The following CNBD1 variants were observed in gnomAD, a reference collection of about 807,000 sequenced individuals.
CNBD1 encodes cyclic nucleotide binding domain containing 1.
In CNBD1, 71 loss-of-function variants were observed where a neutral mutation model predicts 54.4. The observed-to-expected ratio is 1.30, with a 90% CI of 1.08 to 1.59. CNBD1 has a LOEUF of 1.59. Ranked by LOEUF, CNBD1 falls within the 40% of genes most tolerant of loss-of-function variation. The probability of loss-of-function intolerance (pLI) is 0.00; values close to 1 mark genes in which losing one functional copy is unlikely to be tolerated. For synonymous variants in CNBD1, 182 were observed against 170.7 expected, an observed-to-expected ratio of 1.07 and a Z score of -0.51; for missense variants, 659 against 518.0, an observed-to-expected ratio of 1.27 and a Z score of -2.64.
In CNBD1 at chr8:87,327,503, G is replaced by A. The variant is rs887658079; in HGVS notation, c.1043-24182G>A. Among the ~76,000 whole-genome samples the A allele has an allele frequency of 3.3e-5, 5 of 152,326 alleles. No homozygotes were observed. The East Asian group carries it at 5.8e-4, about 18-fold the overall frequency. Reference sequence around the variant, plus strand: ...CGAACCAGGTGTGGGATATAGTTTCGTGGTGCGCCGTTTTTTAAGCCGGTC... The same window carrying A: ...CGAACCAGGTGTGGGATATAGTTTCATGGTGCGCCGTTTTTTAAGCCGGTC... On this transcript the variant is annotated intron_variant, in intron 8 of 10. Transcript: ENST00000518476.
downstream of CNBD1, among the ~76,000 whole-genome samples, chr8:87,384,971 G>T (rs1012563232): frequency 6.6e-6 from 1 of 152,148 alleles, no homozygotes; most frequent in Admixed American, 6.5e-5. Context: ...AAGGACTTTA[G>T]ATTTAATTCT....
At chr8:87,208,380 A>G (rs1814022636) in intron 5 of CNBD1, among the ~76,000 whole-genome samples, 1 of 151,836 alleles carries the variant, frequency 6.6e-6, no homozygotes, top group Non-Finnish European at 1.5e-5. Context: ...AAAAATGATT[A>G]CTATATTATT....
chr8:86,897,997 T>A (rs1005117187), intron 2 of CNBD1, among the ~76,000 whole-genome samples: 89 of 152,302 alleles, frequency 5.8e-4, no homozygotes, highest in African/African-American at 2.1e-3. Flanking sequence ...TTAAATAAAG[T>A]ATGGCATATT....
At chr8:87,302,711 T>C (rs1385727462) in intron 8 of CNBD1, among the ~76,000 whole-genome samples, 1 of 151,958 alleles carries the variant, frequency 6.6e-6, no homozygotes, top group Non-Finnish European at 1.5e-5. Context: ...TGTTTGCTGA[T>C]GACATGATTG....
chr8:86,998,457 G>T (rs1434286698), intron 4 of CNBD1, among the ~76,000 whole-genome samples: 1 of 152,070 alleles, frequency 6.6e-6, no homozygotes, highest in Non-Finnish European at 1.5e-5. Context: ...ATCTTGAAAA[G>T]GACACTTGTT....
rs530526276 is a variant in CNBD1 at position 87,158,887 on chromosome 8, G to A, written c.432-47106G>A. Among the ~76,000 whole-genome samples, 10 of 152,180 alleles carry A rather than the reference G, an allele frequency of 6.6e-5. No individual in the cohort carries two copies. The East Asian group carries it at 1.9e-3, about 29-fold the overall frequency. ...CACACTTTTTATTGTTAATGCAAGC[G>A]ACATCATGCAGAAAATAACATATCT... On this transcript the variant is annotated intron_variant, in intron 4 of 10. Coordinates refer to ENST00000518476, the MANE Select transcript of CNBD1 (RefSeq NM_173538.3).
At chr8:87,154,970 CAT>C (rs2130752699) in intron 4 of CNBD1, among the ~76,000 whole-genome samples, 1 of 152,218 alleles carries the variant, frequency 6.6e-6, no homozygotes, top group African/African-American at 2.4e-5. Flanking sequence ...ATGAGAGTAT[CAT>C]AGCTGTACCA....
intron 4 of CNBD1, among the ~76,000 whole-genome samples, chr8:87,155,207 A>C (rs1319258256): frequency 6.6e-6 from 1 of 152,160 alleles, no homozygotes; most frequent in African/African-American, 2.4e-5. Flanking sequence ...TTTATTTCTC[A>C]ATCTCTTCAA....
intron 2 of CNBD1, among the ~76,000 whole-genome samples, chr8:87,415,525 A>G (rs994571617): frequency 2.0e-5 from 3 of 152,062 alleles, no homozygotes; most frequent in Non-Finnish European, 4.4e-5. Flanking sequence ...GAGCCTCATC[A>G]TGACACTACA....
intron 3 of CNBD1, among the ~76,000 whole-genome samples, chr8:86,926,022 C>T (rs573329124): frequency 1.1e-4 from 16 of 152,126 alleles, no homozygotes; most frequent in Non-Finnish European, 2.2e-4. Flanking sequence ...TTGTCCCCTC[C>T]CATGTTCCAT....
intron 6 of CNBD1, among the ~76,000 whole-genome samples, chr8:87,252,591 G>A (rs1807934738): frequency 6.6e-6 from 1 of 152,070 alleles, no homozygotes; most frequent in Admixed American, 6.6e-5. Flanking sequence ...TGAGAACTGG[G>A]AAAGCAAAAA....
At chr8:87,176,657 T>TC (rs1488701740) in intron 4 of CNBD1, among the ~76,000 whole-genome samples, 1 of 150,936 alleles carries the variant, frequency 6.6e-6, no homozygotes, top group African/African-American at 2.4e-5. Flanking sequence ...GCTAAATTTT[T>TC]TTTTTTTTTT....
chr8:86,977,823 C>T (rs1002570628), intron 4 of CNBD1, among the ~76,000 whole-genome samples: 1 of 151,928 alleles, frequency 6.6e-6, no homozygotes. Flanking sequence ...AGAACTAATA[C>T]CAATCATTCT....
intron 4 of CNBD1, among the ~76,000 whole-genome samples, chr8:87,047,728 T>C (rs1810225111): frequency 6.6e-6 from 1 of 152,236 alleles, no homozygotes; most frequent in South Asian, 2.1e-4. Context: ...TCTGAGTTTC[T>C]ATTTGTCAAA....
intron 2 of CNBD1, among the ~76,000 whole-genome samples, chr8:87,395,394 G>A (rs1422934801): frequency 1.3e-5 from 2 of 151,782 alleles, no homozygotes; most frequent in African/African-American, 2.4e-5. Context: ...AATATTTGAG[G>A]AATATAGCAT....
At chr8:86,870,189 C>CTTTTTTTTTT (rs71275890) in intron 1 of CNBD1, among the ~76,000 whole-genome samples, 11 of 100,620 alleles carry the variant, frequency 1.1e-4, no homozygotes, top group African/African-American at 1.6e-4. Context: ...AGATAGTACT[C>CTTTTTTTTTT]TTTTTTTTTT....
At chr8:87,367,551 T>C (rs1162092504) in intron 10 of CNBD1, among the ~76,000 whole-genome samples, 1 of 152,086 alleles carries the variant, frequency 6.6e-6, no homozygotes, top group Non-Finnish European at 1.5e-5. Context: ...AATTGGTACG[T>C]TGTTATGAGA....
intron 9 of CNBD1, among the ~76,000 whole-genome samples, chr8:87,352,960 G>T (rs180709466): frequency 6.6e-6 from 1 of 152,160 alleles, no homozygotes; most frequent in East Asian, 1.9e-4. Context: ...CTACCTGAGG[G>T]CTATATTCTC....
At chr8:87,038,772 T>C (rs1586214966) in intron 4 of CNBD1, among the ~76,000 whole-genome samples, 1 of 152,220 alleles carries the variant, frequency 6.6e-6, no homozygotes, top group African/African-American at 2.4e-5. Flanking sequence ...AGCCCTCTAG[T>C]AATTAAGAAG....
Sources: allele counts gnomAD v4.1 joint callset (sites outside exome capture counted in the v4.1 genomes callset), GRCh38; gene constraint gnomAD v4.1.1; transcripts MANE v1.5; gene names NCBI Gene and HGNC (gene_info 2026-07-23, HGNC 2026-07-21).